LRP2: variants seen among roughly 807,000 people sequenced by gnomAD.
LRP2 encodes the protein LDL receptor related protein 2, also known as low-density lipoprotein receptor-related protein 2.
LRP2 carries 172 observed loss-of-function variants against 531.0 expected under a neutral mutation model. The observed-to-expected ratio is 0.32, with a 90% confidence interval of 0.29 to 0.37. The LOEUF (loss-of-function observed/expected upper bound fraction) is 0.37, where lower values mean the gene tolerates loss of function less well. LRP2 is among the 10% of genes least tolerant of loss of function. The pLI, the probability that LRP2 is intolerant of heterozygous loss-of-function variation, is 1.00. For missense variants in LRP2, 5,167 were observed against 5,868.3 expected (o/e 0.88, Z 3.90); for synonymous variants, 1,992 against 2,027.6 (o/e 0.98, Z 0.47).
chr2:169,243,083 A>C lies in LRP2; in HGVS notation c.3551-11T>G, dbSNP rs748293711. 17 of 1,585,886 alleles carry C rather than the reference A, an allele frequency of 1.1e-5. No individual in the cohort carries two copies. In the South Asian group the frequency reaches 1.9e-4, roughly 18 times the overall value. On this transcript the variant is annotated splice_polypyrimidine_tract_variant and intron_variant, in intron 23 of 78. Transcript: ENST00000649046. ...CAGTACAGTTTAATACTAAGAATGAAAGAGAAAAGCATTAGAAATTAGCTC... is the reference window on the plus strand; with the variant it reads ...CAGTACAGTTTAATACTAAGAATGACAGAGAAAAGCATTAGAAATTAGCTC...
intron 25 of LRP2, 37 bp from the exon 26 acceptor site, chr2:169,239,812 C>A: frequency 1.3e-6 from 2 of 1,569,926 alleles, no homozygotes; most frequent in East Asian, 2.2e-5. Flanking sequence ...AAAAGAAAAT[C>A]AAGAATCTTT....
chr2:169,232,905 G>C (rs1455496842), intron 30 of LRP2, among the ~76,000 whole-genome samples: 1 of 152,208 alleles, frequency 6.6e-6, no homozygotes, highest in Non-Finnish European at 1.5e-5. Flanking sequence ...TGAAGATTAA[G>C]TGACTTATCT....
At chr2:169,170,456 A>G in intron 59 of LRP2, 95 bp downstream of exon 59, 1 of 924,972 alleles carries the variant, frequency 1.1e-6, no homozygotes, top group Non-Finnish European at 1.8e-6. Flanking sequence ...ATATACAAAA[A>G]TAATTTTCCT....
At chr2:169,183,515 G>A (rs1459276559) in intron 50 of LRP2, among the ~76,000 whole-genome samples, 1 of 152,140 alleles carries the variant, frequency 6.6e-6, no homozygotes, top group Non-Finnish European at 1.5e-5. Context: ...AGAAGGAGTT[G>A]CTATTATTAT....
intron 6 of LRP2, among the ~76,000 whole-genome samples, chr2:169,293,213 T>C (rs1191863184): frequency 6.6e-6 from 1 of 152,204 alleles, no homozygotes; most frequent in African/African-American, 2.4e-5. Flanking sequence ...GCCAACTTAC[T>C]GAACATAGTA....
intron 16 of LRP2, among the ~76,000 whole-genome samples, chr2:169,261,905 T>C (rs2105417627): frequency 6.6e-6 from 1 of 151,608 alleles, no homozygotes; most frequent in South Asian, 2.1e-4. Context: ...CATGATCAAG[T>C]GGGCTTCATC....
At chr2:169,145,379 T>G (rs760770337) in intron 70 of LRP2, among the ~76,000 whole-genome samples, 2 of 152,224 alleles carry the variant, frequency 1.3e-5, no homozygotes, top group Non-Finnish European at 1.5e-5. Context: ...AAGGATAAGA[T>G]TTCTGATGCC....
Position 169,168,673 on chromosome 2 carries a change from G to A in LRP2, c.11501C>T (p.Thr3834Ile). The change falls in exon 61 of 79, where the codon ACA becomes ATA. Residue 3834 changes from threonine to isoleucine, a missense_variant. By Grantham distance (89) the Thr-to-Ile change is moderately conservative. This residue lies in a region of LRP2 where 564 missense variants were observed against 747.7 expected (regional missense o/e 0.75). Transcript: ENST00000649046. ...GCAGTATGCACCATCAGGAAAGCGT[G>A]TGGCTGCCATGGGGGAAAAAAACAT... ...LDASDEADCP[T>I]RFPDGAYCQA... is the part of the protein sequence containing the mutation. The A allele has an allele frequency of 6.2e-7, 1 of 1,613,574 alleles. No homozygotes were observed. The highest frequency in any genetic ancestry group is 1.6e-4 in the Middle Eastern group (1 of 6,062).
intron 44 of LRP2, 40 bp from the exon 45 acceptor site, chr2:169,198,951 A>C: frequency 6.3e-7 from 1 of 1,599,860 alleles, no homozygotes; most frequent in Non-Finnish European, 8.5e-7. Context: ...GAATATATCC[A>C]CCAAATATGT....
intron 3 of LRP2, among the ~76,000 whole-genome samples, chr2:169,316,085 T>G (rs1419442001): frequency 6.7e-6 from 1 of 148,172 alleles, no homozygotes; most frequent in African/African-American, 2.5e-5. Flanking sequence ...AAGGCTACAG[T>G]GAGCCATGAT....
At chr2:169,139,107 A>G in intron 74 of LRP2, 144 bp downstream of exon 74, 1 of 1,212,754 alleles carries the variant, frequency 8.2e-7, no homozygotes, top group Non-Finnish European at 1.2e-6. Flanking sequence ...TGACTGCTTT[A>G]CATCCTCACT....
At chr2:169,340,352 G>T (rs1382339284) in intron 1 of LRP2, among the ~76,000 whole-genome samples, 2 of 152,156 alleles carry the variant, frequency 1.3e-5, no homozygotes, top group Non-Finnish European at 2.9e-5. Context: ...GAGCAGTCAT[G>T]GCATACTTTA....
intron 31 of LRP2, 31 bp from the exon 32 acceptor site, chr2:169,226,619 C>T (rs777239552): frequency 4.6e-6 from 7 of 1,527,274 alleles, no homozygotes; most frequent in African/African-American, 4.1e-5. Context: ...CAGTCAAAAT[C>T]ATATCCCACT....
chr2:169,349,907 G>C (rs567754423), intron 1 of LRP2, among the ~76,000 whole-genome samples: 5 of 152,172 alleles, frequency 3.3e-5, no homozygotes, highest in Admixed American at 1.3e-4. Flanking sequence ...CCCAACTTGA[G>C]TATGACAGAA....
At chr2:169,344,108 C>T (rs1388081297) in intron 1 of LRP2, among the ~76,000 whole-genome samples, 2 of 152,074 alleles carry the variant, frequency 1.3e-5, no homozygotes, top group Non-Finnish European at 2.9e-5. Context: ...TTTTCCAGCT[C>T]ATATTTCTTT....
intron 4 of LRP2, 87 bp downstream of exon 4, chr2:169,307,194 G>A: frequency 1.1e-6 from 1 of 891,218 alleles, no homozygotes; most frequent in Non-Finnish European, 1.9e-6. Context: ...AGGCATTTAT[G>A]TCCATCAACA....
intron 76 of LRP2, among the ~76,000 whole-genome samples, chr2:169,135,859 G>A (rs113475764): frequency 0.057 from 8,591 of 152,030 alleles, 246 homozygotes; most frequent in African/African-American, 0.078. Context: ...CCTATTCACC[G>A]TTCTCAACTA....
chr2:169,178,815 T>C (rs903263604), intron 52 of LRP2, among the ~76,000 whole-genome samples: 2 of 152,124 alleles, frequency 1.3e-5, no homozygotes, highest in African/African-American at 2.4e-5. Flanking sequence ...AAACAGGAGA[T>C]AGAACAAGCT....
intron 1 of LRP2, among the ~76,000 whole-genome samples, chr2:169,345,782 T>C (rs1398901597): frequency 6.7e-6 from 1 of 148,286 alleles, no homozygotes; most frequent in African/African-American, 2.5e-5. Flanking sequence ...CGAGCACTGT[T>C]AGAGAAACTC....
Sources: allele counts gnomAD v4.1 joint callset (sites outside exome capture counted in the v4.1 genomes callset), GRCh38; gene constraint gnomAD v4.1.1; regional missense constraint gnomAD v4.1.1; transcripts MANE v1.5; gene names NCBI Gene and HGNC (gene_info 2026-07-23, HGNC 2026-07-21).